Variants in CADM2 observed in about 807,000 individuals in gnomAD.
The protein encoded by CADM2 is immunoglobulin superfamily member 4D.
A neutral mutation model predicts 49.8 loss-of-function variants in CADM2; 12 were observed. That is an observed-to-expected ratio of 0.24 (90% CI 0.15 to 0.39). The LOEUF (loss-of-function observed/expected upper bound fraction) is 0.39. Among genes scored for constraint, CADM2 ranks in the 10% least tolerant of loss-of-function variants. The pLI is 1.00. For missense variants in CADM2, 378 were observed against 492.3 expected, an observed-to-expected ratio of 0.77 and a Z score of 2.20; for synonymous variants, 214 against 175.4, an observed-to-expected ratio of 1.22 and a Z score of -1.74.
chr3:85,522,305 T>G (rs1230833878), intron 1 of CADM2, among the ~76,000 whole-genome samples: 2 of 152,146 alleles, frequency 1.3e-5, no homozygotes, highest in Non-Finnish European at 2.9e-5. Flanking sequence ...ATTTCAAAAC[T>G]TATTTTTTCC....
intron 1 of CADM2, among the ~76,000 whole-genome samples, chr3:85,590,278 A>G (rs2063068389): frequency 6.6e-6 from 1 of 152,038 alleles, no homozygotes; most frequent in African/African-American, 2.4e-5. Flanking sequence ...AGACTATGCT[A>G]AGGTAGAGAG....
intron 1 of CADM2, among the ~76,000 whole-genome samples, chr3:85,649,389 A>G (rs1329199527): frequency 2.0e-5 from 3 of 152,204 alleles, no homozygotes; most frequent in Admixed American, 6.5e-5. Context: ...GCCACAAAAT[A>G]TGGCTGAGAT....
chr3:85,465,947 C>T (rs1489052500), intron 1 of CADM2, among the ~76,000 whole-genome samples: 1 of 152,134 alleles, frequency 6.6e-6, no homozygotes, highest in African/African-American at 2.4e-5. Flanking sequence ...ATATGAAGTG[C>T]TTGCATTTAT....
intron 1 of CADM2, among the ~76,000 whole-genome samples, chr3:85,670,607 G>C (rs4464471): frequency 6.6e-6 from 1 of 151,974 alleles, no homozygotes; most frequent in African/African-American, 2.4e-5. Flanking sequence ...CAGGAAAAAA[G>C]CACCAAGAAT....
At chr3:85,307,614 TTTG>T (rs1423988977) in intron 1 of CADM2, among the ~76,000 whole-genome samples, 5 of 151,834 alleles carry the variant, frequency 3.3e-5, no homozygotes, top group Admixed American at 3.3e-4. Context: ...TTCTTTGTTC[TTTG>T]TTAAGATAAT....
At chr3:85,868,954 T>G (rs1489089591) in intron 3 of CADM2, among the ~76,000 whole-genome samples, 1 of 152,190 alleles carries the variant, frequency 6.6e-6, no homozygotes, top group Non-Finnish European at 1.5e-5. Flanking sequence ...AATTTTTCTA[T>G]GTGTCTTTCT....
intron 1 of CADM2, among the ~76,000 whole-genome samples, chr3:85,189,290 T>C (rs909376656): frequency 7.2e-5 from 11 of 152,042 alleles, no homozygotes; most frequent in African/African-American, 2.7e-4. Flanking sequence ...GGATTTGTTA[T>C]CAATTTTCCA....
chr3:85,128,484 C>T (rs1359031982), intron 1 of CADM2, among the ~76,000 whole-genome samples: 1 of 152,132 alleles, frequency 6.6e-6, no homozygotes, highest in Non-Finnish European at 1.5e-5. Context: ...TATAGCTTAA[C>T]ATTTCTAACA....
At chr3:85,848,530 A>G (rs1000534561) in intron 3 of CADM2, among the ~76,000 whole-genome samples, 3 of 152,282 alleles carry the variant, frequency 2.0e-5, no homozygotes, top group African/African-American at 7.2e-5. Flanking sequence ...AAACTAATTT[A>G]AGATAATTGT....
At chr3:85,714,241 TAAAG>T (rs1559608975) in intron 1 of CADM2, among the ~76,000 whole-genome samples, 1 of 152,158 alleles carries the variant, frequency 6.6e-6, no homozygotes, top group Non-Finnish European at 1.5e-5. Context: ...TATCTAGTAA[TAAAG>T]AGTTAGGAAA....
At chr3:85,420,001 GA>G (rs925494003) in intron 1 of CADM2, among the ~76,000 whole-genome samples, 67 of 152,256 alleles carry the variant, frequency 4.4e-4, no homozygotes, top group African/African-American at 1.5e-3. Context: ...AACACAGTTT[GA>G]AAAACCACAT....
At chr3:86,040,836 G>A (rs1299759621) in intron 8 of CADM2, among the ~76,000 whole-genome samples, 1 of 152,130 alleles carries the variant, frequency 6.6e-6, no homozygotes, top group Non-Finnish European at 1.5e-5. Context: ...AGAGAGAAAG[G>A]TCGGGTTACC....
intron 1 of CADM2, among the ~76,000 whole-genome samples, chr3:85,605,018 A>C (rs2063508186): frequency 6.6e-6 from 1 of 152,100 alleles, no homozygotes; most frequent in African/African-American, 2.4e-5. Context: ...CATCAGTTCC[A>C]GTTGAAGACA....
intron 1 of CADM2, among the ~76,000 whole-genome samples, chr3:85,142,521 GC>G (rs1317541586): frequency 6.6e-6 from 1 of 152,104 alleles, no homozygotes; most frequent in East Asian, 1.9e-4. Context: ...CATCCTCATT[GC>G]TTACAATATG....
intron 1 of CADM2, among the ~76,000 whole-genome samples, chr3:85,364,371 G>A (rs1190852445): frequency 1.3e-5 from 2 of 152,092 alleles, no homozygotes; most frequent in Admixed American, 6.5e-5. Context: ...ACTCACGCCT[G>A]TTATATTTGA....
intron 8 of CADM2, among the ~76,000 whole-genome samples, chr3:86,024,415 T>TAAATA (rs1559808201): frequency 6.6e-6 from 1 of 152,206 alleles, no homozygotes; most frequent in Non-Finnish European, 1.5e-5. Context: ...AAGCGAGCAG[T>TAAATA]AAATAAAATG....
intron 3 of CADM2, among the ~76,000 whole-genome samples, chr3:85,868,814 C>T (rs1411596626): frequency 6.6e-6 from 1 of 152,070 alleles, no homozygotes; most frequent in South Asian, 2.1e-4. Flanking sequence ...AGTTGGTTAA[C>T]GAAATCATTG....
chr3:85,708,268 T>C (rs2067008542), intron 1 of CADM2, among the ~76,000 whole-genome samples: 1 of 152,162 alleles, frequency 6.6e-6, no homozygotes, highest in African/African-American at 2.4e-5. Context: ...CTTACTATGT[T>C]TTTCTTTTTT....
At chr3:85,315,255 A>G (rs1378318617) in intron 1 of CADM2, among the ~76,000 whole-genome samples, 1 of 152,068 alleles carries the variant, frequency 6.6e-6, no homozygotes, top group Non-Finnish European at 1.5e-5. Flanking sequence ...TCTTGAAAGT[A>G]TTCTCCCCTC....
Sources: gnomAD v4.1 joint callset for allele counts (sites outside exome capture counted in the v4.1 genomes callset) on GRCh38, gnomAD v4.1.1 for gene constraint, MANE v1.5 for transcripts, NCBI Gene and HGNC (gene_info 2026-07-23, HGNC 2026-07-21) for gene names.